The following KAZN variants were observed in gnomAD, a reference collection of about 807,000 sequenced individuals.
KAZN encodes the protein kazrin, periplakin interacting protein, also known as kazrin.
KAZN carries 40 observed loss-of-function variants against 87.4 expected under a neutral mutation model. The ratio of observed to expected loss-of-function variants is 0.46; its 90% CI spans 0.36 to 0.60. The LOEUF is 0.60. Among genes scored for constraint, KAZN ranks in the 20% least tolerant of loss-of-function variants. The probability of loss-of-function intolerance (pLI) is 0.00; values close to 1 mark genes in which losing one functional copy is unlikely to be tolerated. For synonymous variants in KAZN, 466 were observed against 458.3 expected, an observed-to-expected ratio of 1.02 and a Z score of -0.22; for missense variants, 898 against 1,073.9, an observed-to-expected ratio of 0.84 and a Z score of 2.29.
chr1:14,433,792 G>A (rs898613543), intron 2 of KAZN, among the ~76,000 whole-genome samples: 5 of 152,210 alleles, frequency 3.3e-5, no homozygotes, highest in Admixed American at 6.5e-5. Context: ...CCCGGGAGGC[G>A]GAGGTTGCAG....
intron 1 of KAZN, among the ~76,000 whole-genome samples, chr1:14,808,857 T>C (rs78712321): frequency 0.059 from 9,019 of 152,220 alleles, 364 homozygotes; most frequent in Admixed American, 0.11. Flanking sequence ...CTGACATTCA[T>C]TCTGTATTTC....
rs542424539 is a variant in KAZN at position 14,772,262 on chromosome 1, C to T, written c.226+173039C>T. Among the ~76,000 whole-genome samples the T allele has an allele frequency of 5.9e-5, 9 of 152,174 alleles. No homozygotes were observed. The East Asian group carries it at 9.7e-4, about 16-fold the overall frequency. ...CTTTGGGAGGCCGAGGCAGGAGGATCGCTTGAGCCCAGGAGTTTGAGACCA... is the reference window on the plus strand; with the variant it reads ...CTTTGGGAGGCCGAGGCAGGAGGATTGCTTGAGCCCAGGAGTTTGAGACCA... On this transcript the variant is annotated intron_variant, in intron 1 of 14. Transcript: ENST00000376030.
intron 2 of KAZN, among the ~76,000 whole-genome samples, chr1:14,208,149 T>A (rs563983512): frequency 1.3e-5 from 2 of 152,238 alleles, no homozygotes; most frequent in East Asian, 3.9e-4. Flanking sequence ...AAAGGAGGAT[T>A]ATCTCCTGTA....
intron 1 of KAZN, among the ~76,000 whole-genome samples, chr1:13,970,057 T>G (rs1241445846): frequency 6.6e-6 from 1 of 152,222 alleles, no homozygotes; most frequent in Non-Finnish European, 1.5e-5. Context: ...CTATTTCTAT[T>G]CTACTAAATG....
chr1:15,064,493 T>C (rs1639062394), intron 7 of KAZN, among the ~76,000 whole-genome samples: 1 of 152,238 alleles, frequency 6.6e-6, no homozygotes, highest in South Asian at 2.1e-4. Context: ...AAAACTCTCC[T>C]GCAGATACCA....
chr1:14,575,181 G>A (rs942486195), intron 2 of KAZN, among the ~76,000 whole-genome samples: 1 of 152,076 alleles, frequency 6.6e-6, no homozygotes, highest in Non-Finnish European at 1.5e-5. Flanking sequence ...AGCAGAGTGG[G>A]ATTTCAGTTG....
At chr1:14,407,760 CT>C (rs200360209) in intron 2 of KAZN, among the ~76,000 whole-genome samples, 5 of 150,678 alleles carry the variant, frequency 3.3e-5, no homozygotes, top group South Asian at 2.1e-4. Flanking sequence ...AAAACCATGT[CT>C]TTTTTTTTAA....
chr1:15,034,667 G>A, intron 2 of KAZN, 82 bp from the exon 3 acceptor site: 1 of 1,520,922 alleles, frequency 6.6e-7, no homozygotes, highest in Admixed American at 1.9e-5. Context: ...AAAGGTGACG[G>A]CGGTGATGCC....
chr1:14,892,217 T>C (rs1449203957), intron 1 of KAZN, among the ~76,000 whole-genome samples: 1 of 151,686 alleles, frequency 6.6e-6, no homozygotes, highest in African/African-American at 2.4e-5. Flanking sequence ...AACACTAAAT[T>C]CTCTCAGAAC....
At chr1:13,899,938 C>T (rs1425396234) in intron 1 of KAZN, among the ~76,000 whole-genome samples, 1 of 152,058 alleles carries the variant, frequency 6.6e-6, no homozygotes, top group African/African-American at 2.4e-5. Flanking sequence ...TGTCTTTGGA[C>T]CCTCTGTGCC....
In KAZN at chr1:14,700,947, A is replaced by G. The variant is rs547976287; in HGVS notation, c.226+101724A>G. On this transcript the variant is annotated intron_variant, in intron 1 of 14. Transcript: ENST00000376030. ...GGCTCTGCTCTCAATGGGAAACTTCAACACAATTCAGAGGAGCAATGTGAG... is the reference window on the plus strand; with the variant it reads ...GGCTCTGCTCTCAATGGGAAACTTCGACACAATTCAGAGGAGCAATGTGAG... Among the ~76,000 whole-genome samples, 4 of 152,318 alleles carry G rather than the reference A, an allele frequency of 2.6e-5. No individual in the cohort carries two copies. In the East Asian group the frequency reaches 7.7e-4, roughly 29 times the overall value.
intron 1 of KAZN, among the ~76,000 whole-genome samples, chr1:14,089,041 T>G (rs576368460): frequency 1.8e-4 from 27 of 151,718 alleles, no homozygotes; most frequent in African/African-American, 6.5e-4. Context: ...CAATTTTAGG[T>G]CTACAGCAAA....
intron 1 of KAZN, among the ~76,000 whole-genome samples, chr1:14,057,612 A>G (rs1446818665): frequency 1.3e-5 from 2 of 152,214 alleles, no homozygotes; most frequent in Non-Finnish European, 2.9e-5. Context: ...TGCAATGCCT[A>G]ACACATAGTA....
chr1:14,238,552 G>C (rs1459674404), intron 2 of KAZN, among the ~76,000 whole-genome samples: 1 of 152,236 alleles, frequency 6.6e-6, no homozygotes, highest in Non-Finnish European at 1.5e-5. Context: ...AAACAAACAA[G>C]CAACAACACG....
chr1:14,785,089 C>T (rs532349230), intron 1 of KAZN, among the ~76,000 whole-genome samples: 1 of 151,028 alleles, frequency 6.6e-6, no homozygotes, highest in South Asian at 2.1e-4. Context: ...TAAGGAGTGG[C>T]GTGGACCCTA....
chr1:14,034,948 G>T (rs745738218), intron 1 of KAZN, among the ~76,000 whole-genome samples: 9 of 152,212 alleles, frequency 5.9e-5, no homozygotes, highest in African/African-American at 1.2e-4. Context: ...GATGGGGGAA[G>T]ATTCTGCGCT....
intron 2 of KAZN, among the ~76,000 whole-genome samples, chr1:14,485,444 A>G (rs1302420537): frequency 6.6e-6 from 1 of 152,194 alleles, no homozygotes; most frequent in Non-Finnish European, 1.5e-5. Context: ...GCCAGGGGCA[A>G]AAGCAGCTTT....
chr1:13,964,924 G>A (rs1416620544), intron 1 of KAZN, among the ~76,000 whole-genome samples: 3 of 152,170 alleles, frequency 2.0e-5, no homozygotes, highest in African/African-American at 7.2e-5. Flanking sequence ...ACAAAGACTC[G>A]AAGCAGATGA....
intron 2 of KAZN, among the ~76,000 whole-genome samples, chr1:14,452,744 C>T (rs1462717789): frequency 2.0e-5 from 3 of 152,144 alleles, no homozygotes; most frequent in African/African-American, 7.2e-5. Flanking sequence ...CCCTTGACCG[C>T]ATTTTATGAG....
Sources: gnomAD v4.1 joint callset for allele counts (sites outside exome capture counted in the v4.1 genomes callset) on GRCh38, gnomAD v4.1.1 for gene constraint, MANE v1.5 for transcripts, NCBI Gene and HGNC (gene_info 2026-07-23, HGNC 2026-07-21) for gene names.